Variants in TRIM36 observed in about 807,000 individuals in gnomAD.
TRIM36 encodes E3 ubiquitin-protein ligase TRIM36.
Under a neutral mutation model 72.4 loss-of-function variants are expected in TRIM36, and 42 were observed. That is an observed-to-expected ratio of 0.58 (90% CI 0.45 to 0.75). The LOEUF is 0.75. TRIM36 is among the 30% of genes least tolerant of loss of function. The pLI, the probability that TRIM36 is intolerant of heterozygous loss-of-function variation, is 0.00. For synonymous variants in TRIM36, 315 were observed against 282.8 expected, an observed-to-expected ratio of 1.11 and a Z score of -1.14; for missense variants, 913 against 857.1, an observed-to-expected ratio of 1.07 and a Z score of -0.81.
chr5:115,174,555 G>A (rs1332301348), upstream of TRIM36, among the ~76,000 whole-genome samples: 1 of 152,186 alleles, frequency 6.6e-6, no homozygotes, highest in African/African-American at 2.4e-5. Flanking sequence ...GTCATAAAGT[G>A]TTTCTATGGG....
intron 2 of TRIM36, among the ~76,000 whole-genome samples, chr5:115,153,226 C>T (rs1030059669): frequency 1.3e-5 from 2 of 152,126 alleles, no homozygotes; most frequent in Non-Finnish European, 2.9e-5. Flanking sequence ...CAAAAGCCAG[C>T]AGGAGTAGGT....
At chr5:115,136,296 T>G (rs6881678) in intron 7 of TRIM36, among the ~76,000 whole-genome samples, 1 of 152,148 alleles carries the variant, frequency 6.6e-6, no homozygotes, top group Non-Finnish European at 1.5e-5. Flanking sequence ...TAGATCTCTC[T>G]CACACACACA....
At chr5:115,177,673 T>TA in intron 1 of TRIM36, 1 of 1,606,642 alleles carries the variant, frequency 6.2e-7, no homozygotes, top group South Asian at 1.1e-5. Flanking sequence ...GAAATAAGCT[T>TA]ACGTTGAAAT....
At chr5:115,130,559 A>C (rs1273559360) in intron 9 of TRIM36, 33 bp downstream of exon 9, 2 of 1,562,388 alleles carry the variant, frequency 1.3e-6, no homozygotes, top group Admixed American at 4.0e-5. Context: ...CTTTTAAAAA[A>C]TTATCAAGTT....
chr5:115,149,830 C>G (rs13358747), intron 2 of TRIM36, among the ~76,000 whole-genome samples: 14,678 of 151,996 alleles, frequency 0.097, 1,238 homozygotes, highest in East Asian at 0.39. Context: ...GCGATCTCGG[C>G]TCACTGCAAG....
chr5:115,170,885 C>T (rs1249025134), upstream of TRIM36, among the ~76,000 whole-genome samples: 1 of 152,254 alleles, frequency 6.6e-6, no homozygotes, highest in Non-Finnish European at 1.5e-5. Context: ...CGCGCGCCAG[C>T]TCAAGGACTG....
intron 2 of TRIM36, among the ~76,000 whole-genome samples, chr5:115,161,136 A>T (rs1182549960): frequency 1.3e-5 from 2 of 152,112 alleles, no homozygotes; most frequent in Admixed American, 1.3e-4. Context: ...ATAAAGGACT[A>T]TGCTCTAGTA....
At chr5:115,173,229 C>T (rs778943944), upstream of TRIM36, among the ~76,000 whole-genome samples, 14 of 152,170 alleles carry the variant, frequency 9.2e-5, no homozygotes, top group Non-Finnish European at 1.6e-4. Flanking sequence ...TTTTTATCTT[C>T]CTTTCTTCTT....
chr5:115,171,154 C>G, upstream of TRIM36: 2 of 1,614,162 alleles, frequency 1.2e-6, no homozygotes, highest in Middle Eastern at 1.6e-4. Context: ...AGAAGTCTGT[C>G]GCTGTGGCAA....
intron 7 of TRIM36, among the ~76,000 whole-genome samples, chr5:115,135,685 C>G (rs1040236585): frequency 1.3e-5 from 2 of 152,080 alleles, no homozygotes; most frequent in Admixed American, 6.6e-5. Context: ...CACAAGTAAG[C>G]AAATATCTAT....
At chr5:115,176,895 G>A (rs1017303466) in intron 1 of TRIM36, among the ~76,000 whole-genome samples, 1 of 152,186 alleles carries the variant, frequency 6.6e-6, no homozygotes, top group Non-Finnish European at 1.5e-5. Context: ...TCATTTTTAA[G>A]CCTCTTGAGA....
intron 1 of TRIM36, 93 bp from the exon 2 acceptor site, chr5:115,163,845 C>A: frequency 9.9e-7 from 1 of 1,009,132 alleles, no homozygotes; most frequent in Non-Finnish European, 1.4e-6. Flanking sequence ...GTTTATTTTT[C>A]CAAAAAGAAT....
chr5:115,177,631 G>GGGGCA, intron 1 of TRIM36: 1 of 1,546,062 alleles, frequency 6.5e-7, no homozygotes, highest in South Asian at 1.2e-5. Context: ...GCTGCGGGGC[G>GGGGCA]GGGCAGGATT....
chr5:115,170,821 T>C (rs2126950077), upstream of TRIM36, among the ~76,000 whole-genome samples: 1 of 152,334 alleles, frequency 6.6e-6, no homozygotes, highest in South Asian at 2.1e-4. Context: ...CAGAGGGTCC[T>C]GAGCGGCTCC....
At chr5:115,159,511 C>A (rs914774416) in intron 2 of TRIM36, 2 of 283,096 alleles carry the variant, frequency 7.1e-6, no homozygotes, top group Admixed American at 4.9e-5. Flanking sequence ...TCGTTTCAGC[C>A]CAATTTGTTC....
intron 8 of TRIM36, 55 bp downstream of exon 8, chr5:115,133,805 T>C: frequency 2.7e-6 from 4 of 1,505,608 alleles, no homozygotes; most frequent in East Asian, 2.3e-5. Flanking sequence ...GTTTATTTTA[T>C]CAAGGTCTCT....
At chr5:115,129,279 C>T (rs1752524356) in intron 9 of TRIM36, among the ~76,000 whole-genome samples, 1 of 152,142 alleles carries the variant, frequency 6.6e-6, no homozygotes, top group Admixed American at 6.5e-5. Context: ...TAAGAAACTA[C>T]AGGCCAGGTG....
upstream of TRIM36, chr5:115,174,077 T>C (rs1755232845): frequency 6.6e-6 from 1 of 152,192 alleles, no homozygotes; most frequent in African/African-American, 2.4e-5. Context: ...ATTTAAAATA[T>C]AAACCCCTTA....
intron 2 of TRIM36, chr5:115,149,485 G>C (rs1287183260): frequency 2.1e-5 from 3 of 144,504 alleles, no homozygotes; most frequent in African/African-American, 7.7e-5. Flanking sequence ...TAAAGTAACG[G>C]GATAATGAAA....
Sources: allele counts gnomAD v4.1 joint callset (sites outside exome capture counted in the v4.1 genomes callset), GRCh38; gene constraint gnomAD v4.1.1; transcripts MANE v1.5; gene names NCBI Gene and HGNC (gene_info 2026-07-23, HGNC 2026-07-21).